Variants in TRAK1 observed in about 807,000 individuals in gnomAD.
TRAK1 encodes trafficking kinesin-binding protein 1.
Under a neutral mutation model 92.1 loss-of-function variants are expected in TRAK1, and 33 were observed. That is an observed-to-expected ratio of 0.36 (90% CI 0.27 to 0.48). The LOEUF (loss-of-function observed/expected upper bound fraction) is 0.48. TRAK1 is among the 20% of genes least tolerant of loss of function. The pLI is 0.99. For missense variants in TRAK1, 1,123 were observed against 1,257.9 expected (o/e 0.89, Z 1.62); for synonymous variants, 521 against 517.3 (o/e 1.01, Z -0.10).
chr3:42,210,074 G>T (rs758550265), intron 14 of TRAK1, 89 bp downstream of exon 14: 6 of 1,601,116 alleles, frequency 3.7e-6, no homozygotes, highest in Non-Finnish European at 5.1e-6. Context: ...TGCAGGAGCC[G>T]CCAGCGGCCA....
intron 2 of TRAK1, among the ~76,000 whole-genome samples, chr3:42,151,769 CCT>C (rs1481716254): frequency 2.0e-5 from 3 of 152,130 alleles, no homozygotes; most frequent in Non-Finnish European, 4.4e-5. Flanking sequence ...GAAATTTGCC[CCT>C]GTTTATATGT....
intron 1 of TRAK1, among the ~76,000 whole-genome samples, chr3:42,017,439 G>C (rs1379584691): frequency 2.0e-5 from 3 of 152,190 alleles, no homozygotes; most frequent in Admixed American, 1.3e-4. Flanking sequence ...GAGATACACT[G>C]TTGTTAGACA....
At chr3:42,124,610 G>A (rs1431334562) in intron 1 of TRAK1, among the ~76,000 whole-genome samples, 2 of 152,180 alleles carry the variant, frequency 1.3e-5, no homozygotes, top group Admixed American at 6.5e-5. Flanking sequence ...AGAGCTATGG[G>A]GTACAGGTGG....
chr3:42,028,034 A>G (rs2148888317), intron 1 of TRAK1, among the ~76,000 whole-genome samples: 1 of 152,222 alleles, frequency 6.6e-6, no homozygotes, highest in Admixed American at 6.5e-5. Flanking sequence ...TATTTTTAGT[A>G]GAGACGGGGT....
At chr3:42,026,603 C>T (rs1234670501) in intron 1 of TRAK1, among the ~76,000 whole-genome samples, 4 of 151,274 alleles carry the variant, frequency 2.6e-5, no homozygotes, top group Non-Finnish European at 2.9e-5. Flanking sequence ...CAGCTCACTG[C>T]AACCTCTGCC....
chr3:42,074,575 A>G (rs1227919147), intron 1 of TRAK1, among the ~76,000 whole-genome samples: 3 of 152,126 alleles, frequency 2.0e-5, no homozygotes, highest in African/African-American at 7.2e-5. Flanking sequence ...CTAGCTTTCT[A>G]GGGTGATTGT....
At chr3:42,192,572 C>G (rs1049976097) in intron 7 of TRAK1, among the ~76,000 whole-genome samples, 2 of 151,560 alleles carry the variant, frequency 1.3e-5, no homozygotes, top group African/African-American at 4.9e-5. Flanking sequence ...ACCTCATGTT[C>G]AAATCTAGTC....
At chr3:42,179,837 G>A (rs1419323527) in intron 3 of TRAK1, among the ~76,000 whole-genome samples, 1 of 152,102 alleles carries the variant, frequency 6.6e-6, no homozygotes, top group African/African-American at 2.4e-5. Flanking sequence ...TTACTTGTTT[G>A]TGGTCTCTTT....
intron 1 of TRAK1, among the ~76,000 whole-genome samples, chr3:42,055,607 C>T (rs1316450589): frequency 6.6e-6 from 1 of 152,192 alleles, no homozygotes; most frequent in South Asian, 2.1e-4. Context: ...AGATCACAGG[C>T]GTGTGCCACC....
At chr3:42,144,812 CAT>C (rs145067107) in intron 2 of TRAK1, among the ~76,000 whole-genome samples, 6,190 of 151,978 alleles carry the variant, frequency 0.041, 413 homozygotes, top group African/African-American at 0.14. Context: ...CTGGAGAAAA[CAT>C]TTGCAAAGAG....
intron 6 of TRAK1, among the ~76,000 whole-genome samples, chr3:42,190,260 C>A (rs1418828601): frequency 1.3e-5 from 2 of 152,300 alleles, no homozygotes; most frequent in Non-Finnish European, 1.5e-5. Flanking sequence ...CAGGTTGGAG[C>A]TGTGTGCCCA....
At chr3:42,124,230 T>G (rs1055413640) in intron 1 of TRAK1, among the ~76,000 whole-genome samples, 7 of 152,222 alleles carry the variant, frequency 4.6e-5, no homozygotes, top group Admixed American at 3.3e-4. Context: ...AAATACCAAG[T>G]TAACTCTCCT....
At chr3:42,139,162 G>C (rs535993576) in intron 2 of TRAK1, among the ~76,000 whole-genome samples, 4 of 152,220 alleles carry the variant, frequency 2.6e-5, no homozygotes, top group African/African-American at 9.6e-5. Flanking sequence ...AATTTCTTTT[G>C]TGTAAATGCC....
chr3:42,171,480 T>G (rs1168183188), intron 2 of TRAK1, among the ~76,000 whole-genome samples: 1 of 152,194 alleles, frequency 6.6e-6, no homozygotes, highest in East Asian at 1.9e-4. Flanking sequence ...CAGGGTCCCT[T>G]GGGGAGGGCA....
chr3:42,016,809 C>A (rs1701544909), intron 1 of TRAK1, among the ~76,000 whole-genome samples: 1 of 152,068 alleles, frequency 6.6e-6, no homozygotes, highest in Admixed American at 6.5e-5. Context: ...CATTGGAGGG[C>A]GAACAGTCAT....
chr3:42,217,583 T>C, intron 14 of TRAK1: 1 of 985,430 alleles, frequency 1.0e-6, no homozygotes, highest in African/African-American at 1.7e-5. Context: ...TGTGACCTTT[T>C]GATTTGATAT....
At chr3:42,042,351 A>C (rs1702579490) in intron 1 of TRAK1, among the ~76,000 whole-genome samples, 1 of 152,032 alleles carries the variant, frequency 6.6e-6, no homozygotes, top group Admixed American at 6.6e-5. Flanking sequence ...ATCATAAATG[A>C]TTTTTAGATT....
intron 1 of TRAK1, among the ~76,000 whole-genome samples, chr3:42,095,394 T>C (rs964897521): frequency 6.6e-6 from 1 of 152,244 alleles, no homozygotes; most frequent in Non-Finnish European, 1.5e-5. Flanking sequence ...ATTTTTTTTC[T>C]GTTTTACTAA....
At chr3:42,096,497 GC>G in intron 1 of TRAK1, among the ~76,000 whole-genome samples, 1 of 152,180 alleles carries the variant, frequency 6.6e-6, no homozygotes. Context: ...CAAGTGATCT[GC>G]CCGCCTCGAC....
Sources: gnomAD v4.1 joint callset for allele counts (sites outside exome capture counted in the v4.1 genomes callset) on GRCh38, gnomAD v4.1.1 for gene constraint, MANE v1.5 for transcripts, NCBI Gene and HGNC (gene_info 2026-07-23, HGNC 2026-07-21) for gene names.